The following SUPT3H variants were observed in gnomAD, a reference collection of about 807,000 sequenced individuals.
SUPT3H encodes SPT3 homolog, SAGA and STAGA complex component.
In SUPT3H, 44 loss-of-function variants were observed where a neutral mutation model predicts 44.3. That is an observed-to-expected ratio of 0.99 (90% CI 0.78 to 1.28). The LOEUF is 1.28. Among genes scored for constraint, SUPT3H ranks in the 50% most tolerant of loss-of-function variants. The pLI, the probability that SUPT3H is intolerant of heterozygous loss-of-function variation, is 0.00. For missense variants in SUPT3H, 380 were observed against 387.1 expected (o/e 0.98, Z 0.15); for synonymous variants, 124 against 125.6 (o/e 0.99, Z 0.09).
chr6:45,035,573 T>C (rs1162103233), intron 3 of SUPT3H, among the ~76,000 whole-genome samples: 1 of 152,166 alleles, frequency 6.6e-6, no homozygotes, highest in East Asian at 1.9e-4. Flanking sequence ...CTCTGATTAC[T>C]TCCCTACCTC....
intron 7 of SUPT3H, chr6:44,955,334 C>T (rs1420471205): frequency 6.6e-6 from 1 of 152,514 alleles, no homozygotes; most frequent in Non-Finnish European, 1.5e-5. Flanking sequence ...GTTCTCAGCC[C>T]TGCTCACCAG....
chr6:45,031,238 C>T (rs1179342880), intron 3 of SUPT3H, among the ~76,000 whole-genome samples: 1 of 152,020 alleles, frequency 6.6e-6, no homozygotes. Flanking sequence ...AGGTTATTAT[C>T]AAATTATTAT....
chr6:45,224,518 T>C (rs77779359), intron 2 of SUPT3H, among the ~76,000 whole-genome samples: 4,476 of 152,260 alleles, frequency 0.029, 92 homozygotes, highest in Non-Finnish European at 0.047. Context: ...AAAGGATGAA[T>C]AGGCAAGCAA....
At chr6:44,938,080 T>A (rs1195146577) in intron 9 of SUPT3H, among the ~76,000 whole-genome samples, 1 of 151,638 alleles carries the variant, frequency 6.6e-6, no homozygotes, top group Non-Finnish European at 1.5e-5. Context: ...TTTAGTTTAA[T>A]TAAGTCCCAT....
At chr6:44,942,599 T>C (rs1449607973) in intron 9 of SUPT3H, among the ~76,000 whole-genome samples, 1 of 152,142 alleles carries the variant, frequency 6.6e-6, no homozygotes. Flanking sequence ...TACCCAAATA[T>C]TTTTTTGTGG....
intron 10 of SUPT3H, among the ~76,000 whole-genome samples, chr6:44,884,665 C>A (rs965245823): frequency 6.6e-6 from 1 of 152,142 alleles, no homozygotes; most frequent in African/African-American, 2.4e-5. Context: ...CAGCTCCGGT[C>A]TACAGCTCCC....
At chr6:44,928,853 C>T in intron 10 of SUPT3H, among the ~76,000 whole-genome samples, 1 of 116,884 alleles carries the variant, frequency 8.6e-6, no homozygotes, top group Non-Finnish European at 1.6e-5. Flanking sequence ...ACAGCACTCC[C>T]GCCTGGGCGA....
At chr6:45,298,171 TC>T (rs972896898) in intron 2 of SUPT3H, among the ~76,000 whole-genome samples, 1 of 152,082 alleles carries the variant, frequency 6.6e-6, no homozygotes. Flanking sequence ...GATCATGACT[TC>T]AGAAAGTAGA....
In SUPT3H at chr6:45,015,268, C is replaced by T. The variant is rs751965204; in HGVS notation, c.274-377G>A. Among the ~76,000 whole-genome samples, 9 of 152,084 alleles carry T rather than the reference C, an allele frequency of 5.9e-5. No homozygotes were observed. The South Asian group carries it at 6.2e-4, about 11-fold the overall frequency. ...CACCTAGGCTACATGGTGCGGCCTACTATTCATGGGCTACAAACTGGTATG... is the reference window on the plus strand; with the variant it reads ...CACCTAGGCTACATGGTGCGGCCTATTATTCATGGGCTACAAACTGGTATG... On this transcript the variant is annotated intron_variant, in intron 4 of 10. Coordinates refer to ENST00000371459, the MANE Select transcript of SUPT3H (RefSeq NM_003599.4).
chr6:45,341,590 G>A (rs976816509), intron 2 of SUPT3H, among the ~76,000 whole-genome samples: 3 of 152,160 alleles, frequency 2.0e-5, no homozygotes, highest in African/African-American at 4.8e-5. Flanking sequence ...TTAAAAGTGA[G>A]TTTGTCTCCG....
chr6:44,908,882 A>G (rs896074064), intron 10 of SUPT3H, among the ~76,000 whole-genome samples: 2 of 152,202 alleles, frequency 1.3e-5, no homozygotes, highest in African/African-American at 4.8e-5. Flanking sequence ...ATTTTAATAA[A>G]TAGGTAATAG....
intron 2 of SUPT3H, among the ~76,000 whole-genome samples, chr6:45,255,042 C>T (rs547483051): frequency 7.7e-4 from 117 of 152,228 alleles, no homozygotes; most frequent in Admixed American, 3.8e-3. Flanking sequence ...TACTTAATAA[C>T]GGCCCCAAAG....
chr6:44,935,179 C>T lies in SUPT3H; in HGVS notation c.802-2416G>A, dbSNP rs183390748. Among the ~76,000 whole-genome samples, 493 of 150,940 alleles carry T rather than the reference C, an allele frequency of 3.3e-3. 13 individuals are homozygous for T. Among genetic ancestry groups the T allele is most frequent in the Admixed American group, 0.029 (439 of 15,200 alleles). ...TTATAATCCCAGTTTTTTTTTTTTC[C>T]ACCTCAACAAATATCTTCACATTCT... is the stretch of plus-strand genomic sequence containing the variant. On this transcript the variant is annotated intron_variant, in intron 9 of 10. Coordinates refer to ENST00000371459, the MANE Select transcript of SUPT3H (RefSeq NM_003599.4).
chr6:44,938,483 G>A (rs1771863597), intron 9 of SUPT3H, among the ~76,000 whole-genome samples: 1 of 152,146 alleles, frequency 6.6e-6, no homozygotes, highest in African/African-American at 2.4e-5. Context: ...TGGCCTCACA[G>A]TATAATCTGA....
intron 2 of SUPT3H, among the ~76,000 whole-genome samples, chr6:45,126,268 C>G (rs1313887026): frequency 6.6e-5 from 10 of 152,038 alleles, no homozygotes; most frequent in Admixed American, 6.6e-4. Flanking sequence ...AATGGGCCAC[C>G]CTGTATGAAG....
chr6:44,966,715 C>T (rs1776828952), intron 6 of SUPT3H, among the ~76,000 whole-genome samples: 1 of 152,072 alleles, frequency 6.6e-6, no homozygotes. Flanking sequence ...TATTACAATG[C>T]AAACTTAATT....
intron 10 of SUPT3H, among the ~76,000 whole-genome samples, chr6:44,922,525 T>G (rs1247266454): frequency 6.6e-6 from 1 of 152,094 alleles, no homozygotes; most frequent in East Asian, 1.9e-4. Context: ...TCACAGGTAT[T>G]TGGAGGGGAT....
In SUPT3H at chr6:45,331,871, G is replaced by A. The variant is rs190227897; in HGVS notation, c.101+33330C>T. Among the ~76,000 whole-genome samples, 9 of 151,960 alleles carry A rather than the reference G, an allele frequency of 5.9e-5. No individual in the cohort carries two copies. The East Asian group carries it at 1.7e-3, about 29-fold the overall frequency. On this transcript the variant is annotated intron_variant, in intron 2 of 10. Transcript: ENST00000371459. ...CAGCTAACAACTGATAGTTTGACTT[G>A]TTTAAATCAGTCATGCTAAAGTTAA...
At chr6:45,330,922 T>C (rs1052374021) in intron 2 of SUPT3H, among the ~76,000 whole-genome samples, 6 of 152,000 alleles carry the variant, frequency 3.9e-5, no homozygotes, top group African/African-American at 1.4e-4. Flanking sequence ...CTATAATCTA[T>C]GCAAAGCCTA....
Sources: gnomAD v4.1 joint callset for allele counts (sites outside exome capture counted in the v4.1 genomes callset) on GRCh38, gnomAD v4.1.1 for gene constraint, MANE v1.5 for transcripts, NCBI Gene and HGNC (gene_info 2026-07-23, HGNC 2026-07-21) for gene names.